CCNB2: variants seen among roughly 807,000 people sequenced by gnomAD.
CCNB2 encodes the protein G2/mitotic-specific cyclin-B2.
In CCNB2, 39 loss-of-function variants were observed where a neutral mutation model predicts 51.1. That is an observed-to-expected ratio of 0.76 (90% CI 0.59 to 1.00). The LOEUF (loss-of-function observed/expected upper bound fraction) is 1.00, where lower values mean the gene tolerates loss of function less well. CCNB2 is among the 50% of genes least tolerant of loss of function. The pLI, the probability that CCNB2 is intolerant of heterozygous loss-of-function variation, is 0.00. For missense variants in CCNB2, 472 were observed against 470.3 expected (o/e 1.00, Z -0.03); for synonymous variants, 174 against 165.5 (o/e 1.05, Z -0.40).
chr15:59,121,258 A>G (rs1488541413), intron 7 of CCNB2: 2 of 152,190 alleles, frequency 1.3e-5, no homozygotes, highest in African/African-American at 2.4e-5. Flanking sequence ...ATCAGTCTAC[A>G]TGAAGGATAT....
chr15:59,117,058 C>T (rs746892887), intron 6 of CCNB2, 132 bp downstream of exon 6: 72 of 983,218 alleles, frequency 7.3e-5, no homozygotes, highest in Middle Eastern at 5.2e-4. Flanking sequence ...CTCATCAGTT[C>T]TTAAGAGAAA....
At chr15:59,119,262 C>T (rs2079292048) in intron 7 of CCNB2, among the ~76,000 whole-genome samples, 1 of 151,898 alleles carries the variant, frequency 6.6e-6, no homozygotes, top group African/African-American at 2.4e-5. Flanking sequence ...TTGCTTGAGC[C>T]CAGCCTGGGT....
In CCNB2 at chr15:59,123,491, C is replaced by T. The variant is rs1365625453; in HGVS notation, c.976-26C>T. 5 of 1,386,540 alleles carry T rather than the reference C, an allele frequency of 3.6e-6. 1 individual carries two copies. The South Asian group carries it at 4.6e-5, about 13-fold the overall frequency. The allele number at this position is 1,386,540 out of a possible 1,614,324, so 85.9% of individuals were successfully genotyped here. A position where few individuals can be genotyped will look rare whatever the true frequency, so the allele number is the denominator to read the frequency against. On this transcript the variant is annotated intron_variant, in intron 7 of 8. Transcript: ENST00000288207. ...GTTTTCTCTTGCCCCTCAGTCATGT[C>T]TGTCTGTCTGCTTCTTGTGTTTCAG...
intron 7 of CCNB2, among the ~76,000 whole-genome samples, chr15:59,120,800 T>C (rs923834059): frequency 2.2e-4 from 33 of 152,356 alleles, no homozygotes; most frequent in African/African-American, 6.0e-4. Context: ...TAGATACTTA[T>C]TAATTCTGTA....
At position 59,112,466 on chromosome 15, in the gene CCNB2, T is replaced by C. The variant is rs184253747; in HGVS notation, c.268-1978T>C. 2.1e-3 allele frequency among the ~76,000 whole-genome samples: 313 copies of C among 151,830 alleles called. 1 individual carries two copies. The highest frequency in any genetic ancestry group is 7.2e-3 in the African/African-American group (299 of 41,428). ...TTCAAACGATTCTCCTGCCTCAGCC[T>C]CCTGAGTAGCTGGGATTACAGGTGT... On this transcript the variant is annotated intron_variant, in intron 3 of 8. Transcript: ENST00000288207.
chr15:59,124,874 C>G lies in CCNB2; in HGVS notation c.1194C>G (p.Ser398=). 1 of 1,568,792 alleles carries G rather than the reference C, an allele frequency of 6.4e-7. No individual in the cohort carries two copies. Among genetic ancestry groups the G allele is most frequent in the Non-Finnish European group, 8.6e-7 (1 of 1,158,066 alleles). The part of the protein sequence containing the change: ...KDLASPLIGR[S] ...TTGCCTCCCCACTGATAGGAAGGTC[C>G]TAGGCTGCCGTGGCCCCTGGGGATG... The change falls in exon 9 of 9, where the codon TCC becomes TCG. Residue 398 remains serine, a synonymous_variant. Transcript: ENST00000288207.
intron 3 of CCNB2, among the ~76,000 whole-genome samples, chr15:59,111,586 T>C (rs955151025): frequency 1.3e-5 from 2 of 152,222 alleles, no homozygotes; most frequent in Non-Finnish European, 2.9e-5. Context: ...TTTTTCACCT[T>C]AACGTTTGGA....
In CCNB2 at chr15:59,123,533, A is replaced by G. The variant is rs186770064; in HGVS notation, c.992A>G (p.Tyr331Cys). Residue 331 changes from tyrosine to cysteine, a missense_variant, in exon 8 of 9, where the codon TAT (tyrosine) becomes TGT (cysteine). Tyr to Cys is a radical substitution (Grantham distance 194, BLOSUM62 -2). Transcript: ENST00000288207. ...GQGKWNLKQQ[Y>C]YTGYTENEVL... Reference sequence around the variant, plus strand: ...GTGTTTCAGAACTTAAAGCAGCAGTATTACACAGGATACACAGAGAATGAA... The same window carrying G: ...GTGTTTCAGAACTTAAAGCAGCAGTGTTACACAGGATACACAGAGAATGAA... 4 of 1,610,834 alleles carry G rather than the reference A, an allele frequency of 2.5e-6. No homozygotes were observed. The East Asian group carries it at 8.9e-5, about 36-fold the overall frequency.
At chr15:59,110,756 C>T (rs375166348) in intron 3 of CCNB2, among the ~76,000 whole-genome samples, 84 of 152,272 alleles carry the variant, frequency 5.5e-4, no homozygotes, top group African/African-American at 1.9e-3. Context: ...TGGCTGAGAC[C>T]TCGGAAGAGT....
chr15:59,117,047 C>T, intron 6 of CCNB2, 121 bp downstream of exon 6: 1 of 982,910 alleles, frequency 1.0e-6, no homozygotes, highest in Non-Finnish European at 1.5e-6. Context: ...TTAATGCTTT[C>T]CTCATCAGTT....
rs2079318374 is a variant in CCNB2, at chr15:59,124,816, T to C, written c.1136T>C (p.Ile379Thr). The change falls in exon 9 of 9, where the codon ATC becomes ACC. Residue 379 changes from isoleucine (I) to threonine (T), a missense_variant. By Grantham distance (89) the Ile-to-Thr change is moderately conservative. Transcript: ENST00000288207. The part of the protein sequence containing the change: ...ASSKLLKISM[I>T]PQLNSKAVKD... ...AGCAAACTCCTGAAGATCAGCATGA[T>C]CCCTCAGCTGAACTCAAAAGCCGTC... 1 of 1,612,694 alleles carries C rather than the reference T, an allele frequency of 6.2e-7. No homozygotes were observed. Among genetic ancestry groups the C allele is most frequent in the Non-Finnish European group, 8.5e-7 (1 of 1,179,320 alleles).
Position 59,107,565 on chromosome 15 carries a change from G to C in CCNB2, c.162G>C (p.Gln54His), listed in dbSNP as rs1406410155. The stretch of plus-strand genomic sequence containing the variant: ...TTTCTTTTTCCTTATAGAAAGCTCA[G>C]AACACCAAAGTTCCAGTTCAACCCA... Reference protein sequence around the residue: ...TRAAQVAKKAQNTKVPVQPTK... With the variant: ...TRAAQVAKKAHNTKVPVQPTK... The change falls in exon 3 of 9, where the codon CAG becomes CAC. Residue 54 changes from glutamine (Q) to histidine (H), a missense_variant. By Grantham distance (24) the Gln-to-His change is conservative. Coordinates refer to ENST00000288207, the MANE Select transcript of CCNB2 (RefSeq NM_004701.4). 4 of 1,614,090 alleles carry C rather than the reference G, an allele frequency of 2.5e-6. No individual in the cohort carries two copies. Among genetic ancestry groups the C allele is most frequent in the Non-Finnish European group, 3.4e-6 (4 of 1,180,004 alleles).
intron 3 of CCNB2, among the ~76,000 whole-genome samples, chr15:59,112,645 G>A (rs1001335774): frequency 3.3e-5 from 5 of 151,868 alleles, no homozygotes; most frequent in Non-Finnish European, 4.4e-5. Context: ...AGGCCTGGCC[G>A]CCTCCTCTTT....
At chr15:59,115,061 C>T (rs1378826384) in intron 5 of CCNB2, among the ~76,000 whole-genome samples, 185 bp downstream of exon 5, 1 of 152,096 alleles carries the variant, frequency 6.6e-6, no homozygotes, top group East Asian at 1.9e-4. Flanking sequence ...ATGATGCGGA[C>T]CAATAATGGG....
intron 6 of CCNB2, 145 bp from the exon 7 acceptor site, chr15:59,117,081 CTA>C: frequency 1.0e-6 from 1 of 995,932 alleles, no homozygotes; most frequent in Non-Finnish European, 1.5e-6. Context: ...GCCTCATGAT[CTA>C]TGTTTACAAC....
chr15:59,116,424 G>A (rs1296871811), intron 5 of CCNB2, among the ~76,000 whole-genome samples: 1 of 147,450 alleles, frequency 6.8e-6, no homozygotes, highest in African/African-American at 2.5e-5. Flanking sequence ...ACATCTATTT[G>A]TAATTGAGGA....
chr15:59,120,365 T>C (rs2079297170), intron 7 of CCNB2, among the ~76,000 whole-genome samples: 1 of 152,026 alleles, frequency 6.6e-6, no homozygotes, highest in African/African-American at 2.4e-5. Context: ...TGGTAGCATG[T>C]GCCTATAGTC....
chr15:59,119,790 C>G (rs536725137), intron 7 of CCNB2, among the ~76,000 whole-genome samples: 1 of 152,278 alleles, frequency 6.6e-6, no homozygotes, highest in African/African-American at 2.4e-5. Context: ...TCACTGCAGC[C>G]TCAATTGCCT....
At chr15:59,114,215 G>A (rs1331933538) in intron 3 of CCNB2, among the ~76,000 whole-genome samples, 4 of 152,184 alleles carry the variant, frequency 2.6e-5, no homozygotes, top group Admixed American at 2.0e-4. Context: ...GTAGGCCATT[G>A]GGAGGACTTA....
Sources: allele counts gnomAD v4.1 joint callset (sites outside exome capture counted in the v4.1 genomes callset), GRCh38; gene constraint gnomAD v4.1.1; transcripts MANE v1.5; gene names NCBI Gene and HGNC (gene_info 2026-07-23, HGNC 2026-07-21).